Variants in RTN1 observed in about 807,000 individuals in gnomAD.
RTN1 encodes reticulon-1.
Under a neutral mutation model 65.5 loss-of-function variants are expected in RTN1, and 25 were observed. The observed-to-expected ratio is 0.38, with a 90% CI of 0.28 to 0.53. RTN1 has a LOEUF of 0.53. Ranked by LOEUF, RTN1 falls within the 20% of genes least tolerant of loss-of-function variation. The probability of loss-of-function intolerance (pLI) is 0.79; values close to 1 mark genes in which losing one functional copy is unlikely to be tolerated. For synonymous variants in RTN1, 471 were observed against 447.6 expected (o/e 1.05, Z -0.66); for missense variants, 983 against 1,025.4 (o/e 0.96, Z 0.57).
intron 1 of RTN1, among the ~76,000 whole-genome samples, chr14:59,862,981 A>T (rs1182511720): frequency 2.0e-5 from 3 of 151,302 alleles, no homozygotes; most frequent in African/African-American, 7.3e-5. Context: ...ATCTCCAACC[A>T]CTCCCTGCAG....
intron 1 of RTN1, among the ~76,000 whole-genome samples, chr14:59,796,603 C>A (rs1184462297): frequency 6.6e-6 from 1 of 152,144 alleles, no homozygotes; most frequent in Admixed American, 6.5e-5. Context: ...ACATTCTATG[C>A]TGTCTCACAC....
chr14:59,784,557 CT>C (rs2139579550), intron 1 of RTN1, among the ~76,000 whole-genome samples: 2 of 151,570 alleles, frequency 1.3e-5, no homozygotes, highest in South Asian at 4.2e-4. Flanking sequence ...TGCTGTTTGT[CT>C]TTTGGGTTTG....
At chr14:59,807,231 T>C (rs144769896) in intron 1 of RTN1, among the ~76,000 whole-genome samples, 1 of 152,218 alleles carries the variant, frequency 6.6e-6, no homozygotes, top group East Asian at 1.9e-4. Context: ...AGAGCTGAAT[T>C]TGTAAAGTAA....
intron 2 of RTN1, among the ~76,000 whole-genome samples, chr14:59,743,259 C>T (rs1050867522): frequency 1.3e-5 from 2 of 151,734 alleles, no homozygotes; most frequent in South Asian, 4.1e-4. Context: ...ATGGAAATTC[C>T]CTAAAAATTA....
At chr14:59,652,366 T>C (rs1883036449) in intron 3 of RTN1, among the ~76,000 whole-genome samples, 1 of 152,190 alleles carries the variant, frequency 6.6e-6, no homozygotes, top group Non-Finnish European at 1.5e-5. Flanking sequence ...TCTACCATAA[T>C]GAGACATGCA....
At chr14:59,651,802 T>A (rs1413321142) in intron 3 of RTN1, among the ~76,000 whole-genome samples, 1 of 151,984 alleles carries the variant, frequency 6.6e-6, no homozygotes, top group East Asian at 1.9e-4. Flanking sequence ...GATTTCATGA[T>A]GAAATCACCA....
chr14:59,625,903 G>A (rs1475827421), intron 3 of RTN1, among the ~76,000 whole-genome samples: 1 of 151,992 alleles, frequency 6.6e-6, no homozygotes, highest in African/African-American at 2.4e-5. Context: ...TGCATAATAC[G>A]AGTTTTCTTT....
At chr14:59,848,593 T>C (rs904415185) in intron 1 of RTN1, among the ~76,000 whole-genome samples, 2 of 152,232 alleles carry the variant, frequency 1.3e-5, no homozygotes, top group Non-Finnish European at 1.5e-5. Flanking sequence ...ATATGAGTCA[T>C]ACATAAAAGA....
In RTN1 at chr14:59,819,411, A is replaced by ACCCCC. The variant is rs1566737447; in HGVS notation, c.241+50978_241+50979insGGGGG. Among the ~76,000 whole-genome samples the ACCCCC allele has an allele frequency of 3.9e-4, 5 of 12,718 alleles. 2 individuals carry two copies. The highest frequency in any genetic ancestry group is 1.4e-3 in the African/African-American group (2 of 1,456). 8.3% of individuals were successfully genotyped at this position (12,718 alleles called of 152,430 possible). On this transcript the variant is annotated intron_variant, in intron 1 of 8. Coordinates refer to ENST00000267484, the MANE Select transcript of RTN1 (RefSeq NM_021136.3). ...AGCTGATTGGTGCATCCACACCACC[A>ACCCCC]CCACCCCCCCCCCACCCCCCACCCC...
chr14:59,686,657 G>A (rs1883852153), intron 3 of RTN1, among the ~76,000 whole-genome samples: 1 of 152,220 alleles, frequency 6.6e-6, no homozygotes, highest in South Asian at 2.1e-4. Flanking sequence ...ATAAACATAA[G>A]TGAAGCCCCA....
At chr14:59,712,095 A>G (rs1884432461) in intron 3 of RTN1, among the ~76,000 whole-genome samples, 1 of 152,224 alleles carries the variant, frequency 6.6e-6, no homozygotes, top group Non-Finnish European at 1.5e-5. Flanking sequence ...AAAGCCAGAA[A>G]TACATGTTTG....
At chr14:59,738,861 G>A (rs1053893861) in intron 2 of RTN1, among the ~76,000 whole-genome samples, 2 of 152,132 alleles carry the variant, frequency 1.3e-5, no homozygotes, top group Non-Finnish European at 2.9e-5. Context: ...GACATGGATG[G>A]AGCTGGAGGC....
intron 3 of RTN1, among the ~76,000 whole-genome samples, chr14:59,719,592 G>A (rs1470420276): frequency 6.6e-6 from 1 of 152,258 alleles, no homozygotes. Context: ...AAAGATGGAT[G>A]TATGAATAGG....
Position 59,720,564 on chromosome 14 carries a change from A to T in RTN1, c.1765+6355T>A, listed in dbSNP as rs372042950. 6.6e-5 allele frequency among the ~76,000 whole-genome samples: 10 copies of T among 152,098 alleles called. No homozygotes were observed. The East Asian group carries it at 9.6e-4, about 15-fold the overall frequency. ...CAGCAAAACCCTGTCTCTACCAAAA[A>T]ATACAAAAATTAGCCAGGCATGGTG... On this transcript the variant is annotated intron_variant, in intron 3 of 8. Transcript: ENST00000267484.
intron 1 of RTN1, among the ~76,000 whole-genome samples, chr14:59,860,544 G>T (rs1052329575): frequency 7.2e-5 from 11 of 152,226 alleles, no homozygotes; most frequent in African/African-American, 2.4e-4. Context: ...TAGTGGAGCT[G>T]TGAGAAGAGG....
At chr14:59,602,933 A>G (rs971456167) in intron 8 of RTN1, 132 bp downstream of exon 8, 4 of 636,384 alleles carry the variant, frequency 6.3e-6, no homozygotes, top group Admixed American at 3.2e-5. Flanking sequence ...GAGAATGAAT[A>G]TATGATTCCA....
chr14:59,844,016 C>A (rs1490821200), intron 1 of RTN1, among the ~76,000 whole-genome samples: 1 of 152,144 alleles, frequency 6.6e-6, no homozygotes, highest in Non-Finnish European at 1.5e-5. Context: ...CTTTGAGAAT[C>A]TCGGCATTCT....
At chr14:59,695,343 G>C (rs998360912) in intron 3 of RTN1, among the ~76,000 whole-genome samples, 2 of 152,172 alleles carry the variant, frequency 1.3e-5, no homozygotes, top group African/African-American at 4.8e-5. Flanking sequence ...CACTGGCTTT[G>C]GGCTTGGCTA....
chr14:59,719,503 G>A (rs1884604096), intron 3 of RTN1, among the ~76,000 whole-genome samples: 1 of 152,192 alleles, frequency 6.6e-6, no homozygotes, highest in Admixed American at 6.5e-5. Flanking sequence ...CCCCATGAGG[G>A]GTGGATTCAA....
Sources: allele counts gnomAD v4.1 joint callset (sites outside exome capture counted in the v4.1 genomes callset), GRCh38; gene constraint gnomAD v4.1.1; transcripts MANE v1.5; gene names NCBI Gene and HGNC (gene_info 2026-07-23, HGNC 2026-07-21).